CEP83: variants seen among roughly 807,000 people sequenced by gnomAD.
The protein encoded by CEP83 is centrosomal protein of 83 kDa.
A neutral mutation model predicts 101.9 loss-of-function variants in CEP83; 70 were observed. The observed-to-expected ratio is 0.69, with a 90% CI of 0.57 to 0.84. CEP83 has a LOEUF of 0.84. Ranked by LOEUF, CEP83 falls within the 40% of genes least tolerant of loss-of-function variation. The pLI is 0.00. For synonymous variants in CEP83, 264 were observed against 267.9 expected (o/e 0.99, Z 0.14); for missense variants, 715 against 787.2 (o/e 0.91, Z 1.10).
chr12:94,399,039 T>C (rs914002998), intron 6 of CEP83, among the ~76,000 whole-genome samples: 4 of 152,220 alleles, frequency 2.6e-5, no homozygotes, highest in Non-Finnish European at 4.4e-5. Flanking sequence ...CCACTGAACA[T>C]AGAGCCTTAT....
chr12:94,298,616 G>T, the CEP83 span: 1 of 1,569,492 alleles, frequency 6.4e-7, no homozygotes, highest in African/African-American at 1.4e-5. Context: ...CAAATCTGAT[G>T]TTGTCTATCT....
intron 2 of CEP83, among the ~76,000 whole-genome samples, chr12:94,418,095 C>A (rs1157764572): frequency 6.6e-6 from 1 of 152,086 alleles, no homozygotes; most frequent in Admixed American, 6.5e-5. Flanking sequence ...AGCCTGGTGG[C>A]TCATGCCTGT....
chr12:94,370,713 T>G (rs985817585), intron 8 of CEP83, among the ~76,000 whole-genome samples: 1 of 152,170 alleles, frequency 6.6e-6, no homozygotes, highest in African/African-American at 2.4e-5. Context: ...CACAGCTGGA[T>G]ACAGTAACTT....
At chr12:94,430,520 GAAGA>G (rs1566183889) in intron 2 of CEP83, among the ~76,000 whole-genome samples, 2 of 150,878 alleles carry the variant, frequency 1.3e-5, no homozygotes, top group Admixed American at 6.6e-5. Context: ...AGATCAAGCA[GAAGA>G]AAGAATCTCA....
chr12:94,443,490 T>C (rs1013607549), intron 1 of CEP83, among the ~76,000 whole-genome samples: 5 of 152,050 alleles, frequency 3.3e-5, no homozygotes, highest in Non-Finnish European at 5.9e-5. Context: ...ATATTTATTC[T>C]ATATAAACAT....
chr12:94,412,252 A>G, intron 3 of CEP83, 66 bp downstream of exon 3: 1 of 1,307,680 alleles, frequency 7.6e-7, no homozygotes, highest in Non-Finnish European at 1.1e-6. Context: ...TATAGCAAAC[A>G]TTCAGCCAAG....
intron 2 of CEP83, among the ~76,000 whole-genome samples, chr12:94,429,842 A>C (rs150553880): frequency 9.1e-4 from 138 of 152,338 alleles, no homozygotes; most frequent in East Asian, 5.0e-3. Flanking sequence ...ACACAAGCCA[A>C]GTATGGTCTG....
chr12:94,278,922 C>T, the CEP83 span, among the ~76,000 whole-genome samples: 2 of 152,056 alleles, frequency 1.3e-5, no homozygotes, highest in South Asian at 2.1e-4. Context: ...TGCTTGAACC[C>T]AGGAGGCGGA....
At chr12:94,306,826 T>G (rs1168850874), downstream of CEP83, 1 of 152,214 alleles carries the variant, frequency 6.6e-6, no homozygotes, top group East Asian at 1.9e-4. Context: ...GTTACTACCC[T>G]GATAGGCACC....
chr12:94,351,281 C>A (rs1417924736), intron 11 of CEP83, among the ~76,000 whole-genome samples: 1 of 152,176 alleles, frequency 6.6e-6, no homozygotes, highest in Non-Finnish European at 1.5e-5. Context: ...CTAACAGGCC[C>A]TGAATCCGGT....
chr12:94,395,823 G>A (rs565007602), intron 6 of CEP83, among the ~76,000 whole-genome samples: 7 of 151,066 alleles, frequency 4.6e-5, no homozygotes, highest in South Asian at 4.2e-4. Context: ...TCTGTCTCAA[G>A]AAAAAAAAAG....
At chr12:94,314,279 G>GA (rs1372499296) in intron 14 of CEP83, among the ~76,000 whole-genome samples, 2 of 152,060 alleles carry the variant, frequency 1.3e-5, no homozygotes, top group Non-Finnish European at 2.9e-5. Flanking sequence ...AAAGCTCAAA[G>GA]AAAAACCACA....
chr12:94,297,249 C>G, the CEP83 span: 1 of 1,613,754 alleles, frequency 6.2e-7, no homozygotes, highest in African/African-American at 1.3e-5. Flanking sequence ...GTGCTCACCA[C>G]TGAACTGCAT....
chr12:94,454,391 A>G (rs903078133), intron 1 of CEP83, among the ~76,000 whole-genome samples: 2 of 152,230 alleles, frequency 1.3e-5, no homozygotes, highest in Non-Finnish European at 2.9e-5. Flanking sequence ...GTGGACTTGG[A>G]GAACTTTTCT....
intron 2 of CEP83, among the ~76,000 whole-genome samples, chr12:94,425,547 C>A (rs1288877342): frequency 6.6e-6 from 1 of 152,184 alleles, no homozygotes; most frequent in Non-Finnish European, 1.5e-5. Context: ...GTTGTGAGCA[C>A]TGAGTTGATG....
At chr12:94,302,441 C>G (rs1049712697), downstream of CEP83, among the ~76,000 whole-genome samples, 1 of 152,218 alleles carries the variant, frequency 6.6e-6, no homozygotes, top group Non-Finnish European at 1.5e-5. Flanking sequence ...GATCAGTCTA[C>G]ATATGCCTAC....
chr12:94,313,527 T>TAAAAAAAA (rs58864740), intron 14 of CEP83, among the ~76,000 whole-genome samples: 11 of 95,720 alleles, frequency 1.1e-4, no homozygotes, highest in African/African-American at 4.6e-4. Context: ...AAGAACCCAT[T>TAAAAAAAA]AAAAAAAAAA....
Position 94,424,726 on chromosome 12 carries a change from C to T in CEP83, c.-102+10549G>A, listed in dbSNP as rs2065048360. 3.5e-5 allele frequency: 56 copies of T among 1,609,678 alleles called. No individual in the cohort carries two copies. In the South Asian group the frequency reaches 5.6e-4, roughly 16 times the overall value. ...CCAGTACGGCCTTAGTGGAAACAATCTTGCCATATGGCTGACACAGCTTGA... is the reference window on the plus strand; with the variant it reads ...CCAGTACGGCCTTAGTGGAAACAATTTTGCCATATGGCTGACACAGCTTGA... On this transcript the variant is annotated intron_variant, in intron 2 of 16. Coordinates refer to ENST00000397809, the MANE Select transcript of CEP83 (RefSeq NM_016122.3).
chr12:94,406,666 A>G (rs994784054), intron 4 of CEP83, among the ~76,000 whole-genome samples: 1 of 152,264 alleles, frequency 6.6e-6, no homozygotes, highest in Non-Finnish European at 1.5e-5. Context: ...TCACGCCTGT[A>G]ATCCCAGCAC....
Sources: gnomAD v4.1 joint callset for allele counts (sites outside exome capture counted in the v4.1 genomes callset) on GRCh38, gnomAD v4.1.1 for gene constraint, MANE v1.5 for transcripts, NCBI Gene and HGNC (gene_info 2026-07-23, HGNC 2026-07-21) for gene names.